FGF12: variants seen among roughly 807,000 people sequenced by gnomAD.
FGF12 encodes the protein fibroblast growth factor 12.
Under a neutral mutation model 23.6 loss-of-function variants are expected in FGF12, and 14 were observed. That is an observed-to-expected ratio of 0.59 (90% confidence interval 0.39 to 0.93). The LOEUF (loss-of-function observed/expected upper bound fraction) is 0.93. Ranked by LOEUF, FGF12 falls within the 40% of genes least tolerant of loss-of-function variation. FGF12 has a pLI of 0.00. For missense variants in FGF12, 175 were observed against 217.8 expected, an observed-to-expected ratio of 0.80 and a Z score of 1.24; for synonymous variants, 62 against 77.3, an observed-to-expected ratio of 0.80 and a Z score of 1.04.
intron 4 of FGF12, among the ~76,000 whole-genome samples, chr3:192,296,650 CATT>C (rs1161930851): frequency 1.3e-5 from 2 of 152,026 alleles, no homozygotes; most frequent in East Asian, 1.9e-4. Flanking sequence ...TTGTAAAGAA[CATT>C]ATTAGGTCTT....
chr3:192,384,757 G>A (rs553511820), intron 2 of FGF12, among the ~76,000 whole-genome samples: 10 of 152,264 alleles, frequency 6.6e-5, no homozygotes, highest in South Asian at 6.2e-4. Flanking sequence ...TTCAGGCTCC[G>A]GGGGTGACAT....
At chr3:192,694,893 G>A (rs1011045041) in intron 2 of FGF12, among the ~76,000 whole-genome samples, 9 of 151,998 alleles carry the variant, frequency 5.9e-5, no homozygotes, top group Non-Finnish European at 1.2e-4. Context: ...AAATGGGGAG[G>A]TGAAGGTCAA....
intron 2 of FGF12, among the ~76,000 whole-genome samples, chr3:192,445,675 T>TAC (rs1403143433): frequency 6.6e-6 from 1 of 152,174 alleles, no homozygotes; most frequent in East Asian, 1.9e-4. Context: ...GCTTTCAGAA[T>TAC]ACATGCAGCA....
intron 4 of FGF12, among the ~76,000 whole-genome samples, chr3:192,260,204 C>G (rs1317322121): frequency 6.6e-6 from 1 of 151,956 alleles, no homozygotes; most frequent in African/African-American, 2.4e-5. Flanking sequence ...ACTTGACAAA[C>G]TACAAGATAC....
At chr3:192,352,231 A>C (rs1212830668) in intron 3 of FGF12, among the ~76,000 whole-genome samples, 1 of 152,184 alleles carries the variant, frequency 6.6e-6, no homozygotes, top group Non-Finnish European at 1.5e-5. Context: ...AGATCCCCAT[A>C]GAAATAGGCT....
intron 2 of FGF12, among the ~76,000 whole-genome samples, chr3:192,520,940 G>T (rs1248302577): frequency 6.6e-6 from 1 of 152,122 alleles, no homozygotes; most frequent in Non-Finnish European, 1.5e-5. Flanking sequence ...CTTGTGTGTA[G>T]CATTTTCATA....
chr3:192,656,780 T>C (rs1716443793), intron 2 of FGF12, among the ~76,000 whole-genome samples: 1 of 152,138 alleles, frequency 6.6e-6, no homozygotes, highest in Non-Finnish European at 1.5e-5. Flanking sequence ...TGTAGGCTCA[T>C]GAAAATGTAA....
intron 4 of FGF12, among the ~76,000 whole-genome samples, chr3:192,293,868 T>C (rs1714892135): frequency 6.6e-6 from 1 of 152,172 alleles, no homozygotes. Flanking sequence ...ATCCAGGTGA[T>C]GGCAGATTTA....
intron 3 of FGF12, among the ~76,000 whole-genome samples, chr3:192,345,999 G>C (rs536611685): frequency 6.6e-6 from 1 of 150,580 alleles, no homozygotes; most frequent in Non-Finnish European, 1.5e-5. Context: ...TGGATCTATA[G>C]AAATAAACAT....
chr3:192,185,467 C>A (rs1055270476), intron 4 of FGF12, among the ~76,000 whole-genome samples: 1 of 152,118 alleles, frequency 6.6e-6, no homozygotes, highest in Non-Finnish European at 1.5e-5. Context: ...CAGCAGTAGA[C>A]TTTCTACAAA....
chr3:192,597,880 C>T (rs541014132), intron 2 of FGF12, among the ~76,000 whole-genome samples: 1 of 152,350 alleles, frequency 6.6e-6, no homozygotes, highest in South Asian at 2.1e-4. Context: ...TTGATGCAGA[C>T]AGGCTGGGAT....
intron 2 of FGF12, among the ~76,000 whole-genome samples, chr3:192,428,464 A>T (rs1560108333): frequency 6.6e-6 from 1 of 152,176 alleles, no homozygotes; most frequent in Admixed American, 6.5e-5. Context: ...ACAGATAATT[A>T]TGAGAAGGTT....
At chr3:192,625,693 A>T (rs985699358) in intron 2 of FGF12, among the ~76,000 whole-genome samples, 1 of 152,136 alleles carries the variant, frequency 6.6e-6, no homozygotes, top group Non-Finnish European at 1.5e-5. Flanking sequence ...ATATTTTTTC[A>T]AGTACTTTGT....
At chr3:192,553,546 T>C (rs1711619593) in intron 2 of FGF12, among the ~76,000 whole-genome samples, 2 of 152,184 alleles carry the variant, frequency 1.3e-5, no homozygotes, top group Admixed American at 1.3e-4. Context: ...TTTCCCCTCA[T>C]AGGACACCAT....
chr3:192,140,116 A>T lies in FGF12; in HGVS notation c.*3893T>A, dbSNP rs932066107. On this transcript the variant is annotated 3_prime_UTR_variant, in exon 6 of 6. Coordinates refer to ENST00000445105, the MANE Select transcript of FGF12 (RefSeq NM_004113.6). The stretch of plus-strand genomic sequence containing the variant: ...CATTAATGTATAAAGTTTTGCATTC[A>T]AATCTCTTTATTTTTGATTACCTAT... 6.6e-6 allele frequency: 1 copy of T among 152,082 alleles called. No individual in the cohort carries two copies. The highest frequency in any genetic ancestry group is 6.6e-5 in the Admixed American group (1 of 15,262). The allele number at this position is 152,082 out of a possible 1,614,324, so 9.4% of individuals were successfully genotyped here.
chr3:192,451,218 T>C (rs888396517), intron 2 of FGF12, among the ~76,000 whole-genome samples: 6 of 152,234 alleles, frequency 3.9e-5, no homozygotes, highest in Non-Finnish European at 8.8e-5. Flanking sequence ...TATCACTTCA[T>C]AACAATTTCT....
intron 2 of FGF12, among the ~76,000 whole-genome samples, chr3:192,492,109 G>A (rs768211699): frequency 6.6e-6 from 1 of 152,056 alleles, no homozygotes; most frequent in Admixed American, 6.6e-5. Flanking sequence ...TGGTGGCATC[G>A]CAGGAAGAAA....
rs189998900 is a variant in FGF12, at chr3:192,226,451, A to C, written c.229-55795T>G. Among the ~76,000 whole-genome samples the C allele has an allele frequency of 1.5e-4, 23 of 152,340 alleles. No homozygotes were observed. In the East Asian group the frequency reaches 3.7e-3, roughly 24 times the overall value. On this transcript the variant is annotated intron_variant, in intron 4 of 5. Coordinates refer to ENST00000445105, the MANE Select transcript of FGF12 (RefSeq NM_004113.6). ...AGGCAGAATTGTGTGTGTTGCAAAGACAACATAAAATGCCATTACTGCAGC... is the reference window on the plus strand; with the variant it reads ...AGGCAGAATTGTGTGTGTTGCAAAGCCAACATAAAATGCCATTACTGCAGC...
chr3:192,513,572 T>C (rs1003688908), intron 2 of FGF12, among the ~76,000 whole-genome samples: 7 of 152,234 alleles, frequency 4.6e-5, no homozygotes, highest in African/African-American at 1.4e-4. Context: ...ATAATTTTCA[T>C]AGCTCAAGAA....
Sources: allele counts gnomAD v4.1 joint callset (sites outside exome capture counted in the v4.1 genomes callset), GRCh38; gene constraint gnomAD v4.1.1; transcripts MANE v1.5; gene names NCBI Gene and HGNC (gene_info 2026-07-23, HGNC 2026-07-21).